Variants in SIGLEC7 observed in about 807,000 individuals in gnomAD.
SIGLEC7 encodes the protein sialic acid binding Ig like lectin 7.
SIGLEC7 carries 33 observed loss-of-function variants against 40.8 expected under a neutral mutation model. The ratio of observed to expected loss-of-function variants is 0.81; its 90% CI spans 0.61 to 1.08. The LOEUF (loss-of-function observed/expected upper bound fraction) is 1.08. SIGLEC7 is among the 50% of genes least tolerant of loss of function. SIGLEC7 has a pLI of 0.00. For missense variants in SIGLEC7, 513 were observed against 576.1 expected (o/e 0.89, Z 1.12); for synonymous variants, 242 against 237.6 (o/e 1.02, Z -0.17).
chr19:51,143,829 C>T (rs933717449), intron 1 of SIGLEC7: 3 of 407,202 alleles, frequency 7.4e-6, no homozygotes, highest in African/African-American at 6.4e-5. Context: ...CCCACAGCGT[C>T]CCAGGCCCCA....
intron 2 of SIGLEC7, 49 bp from the exon 3 acceptor site, chr19:51,144,863 T>C: frequency 1.3e-6 from 2 of 1,595,242 alleles, no homozygotes; most frequent in Non-Finnish European, 1.7e-6. Context: ...ACAGGGCCAG[T>C]GTCCCCAGCC....
In SIGLEC7 at chr19:51,145,798, C is replaced by T; in HGVS notation, c.761-57C>T. ...TCCATTCCCCAGTCTCATTCTGTATCCTTCCTCCCTGTTTCAATCACTTTG... is the reference window on the plus strand; with the variant it reads ...TCCATTCCCCAGTCTCATTCTGTATTCTTCCTCCCTGTTTCAATCACTTTG... On this transcript the variant is annotated intron_variant, in intron 3 of 6. Transcript: ENST00000317643. The surrounding 1 kb of genome is among the most constrained non-coding windows in gnomAD (Gnocchi z 4.3). 1 of 1,592,398 alleles carries T rather than the reference C, an allele frequency of 6.3e-7. No individual in the cohort carries two copies. Among genetic ancestry groups the T allele is most frequent in the South Asian group, 1.1e-5 (1 of 89,942 alleles).
chr19:51,150,467 A>G (rs2092136473), intron 6 of SIGLEC7, among the ~76,000 whole-genome samples: 1 of 152,180 alleles, frequency 6.6e-6, no homozygotes, highest in Non-Finnish European at 1.5e-5. Context: ...GTGTATGTTG[A>G]ACCAACATGA....
In SIGLEC7 at chr19:51,146,008, T is replaced by TGC; in HGVS notation, c.914_915insGC (p.Leu306HisfsTer29). On this transcript the variant is annotated frameshift_variant, in exon 4 of 7. Coordinates refer to ENST00000317643, the MANE Select transcript of SIGLEC7 (RefSeq NM_014385.4). LOFTEE classifies it high-confidence loss of function. ...CCCTCACAGCCCTCAAACCCTCTGG[T>TGC]ACTGGAGCTGCAAGTGCACCTGGGG... 1 of 1,614,166 alleles carries TGC rather than the reference T, an allele frequency of 6.2e-7. No individual in the cohort carries two copies. The highest frequency in any genetic ancestry group is 8.5e-7 in the Non-Finnish European group (1 of 1,180,024).
In SIGLEC7 at chr19:51,142,871, G is replaced by C. The variant is rs922422210; in HGVS notation, c.433+69G>C. On this transcript the variant is annotated intron_variant, in intron 1 of 6. Transcript: ENST00000317643. The surrounding 1 kb of genome is among the most constrained non-coding windows in gnomAD (Gnocchi z 5.0). ...GGGCTTTAGGGCACGGCTGAGACGG[G>C]ACACATGTCCTGGGAGGGGGCCGGG... 6.1e-6 allele frequency: 9 copies of C among 1,476,754 alleles called. No individual in the cohort carries two copies. The highest frequency in any genetic ancestry group is 8.3e-6 in the Non-Finnish European group (9 of 1,090,106). The allele number at this position is 1,476,754 out of a possible 1,614,324, so 91.5% of individuals were successfully genotyped here.
chr19:51,152,690 C>T (rs1198211832), intron 6 of SIGLEC7, among the ~76,000 whole-genome samples: 1 of 152,166 alleles, frequency 6.6e-6, no homozygotes. Context: ...CCATCCAGCA[C>T]CCGGATCAGG....
rs749886311 is a variant in SIGLEC7, at chr19:51,146,818, G to T, written c.1092G>T (p.Leu364=). The T allele has an allele frequency of 6.2e-7, 1 of 1,614,056 alleles. No individual in the cohort carries two copies. Reference sequence around the variant, plus strand: ...TCGGGGGAGCTGGAGCCACAGCCCTGGTCTTCCTCTCCTTCTGTGTCATCT... The same window carrying T: ...TCGGGGGAGCTGGAGCCACAGCCCTTGTCTTCCTCTCCTTCTGTGTCATCT... The part of the protein sequence containing the change: ...GAVGGAGATA[L]VFLSFCVIFI... The change falls in exon 5 of 7, where the codon CTG becomes CTT. Residue 364 remains leucine (L), a synonymous_variant. Coordinates refer to ENST00000317643, the MANE Select transcript of SIGLEC7 (RefSeq NM_014385.4).
chr19:51,146,106 C>G lies in SIGLEC7; in HGVS notation c.1012C>G (p.Gln338Glu). 6.2e-7 allele frequency: 1 copy of G among 1,614,194 alleles called. No individual in the cohort carries two copies. ...GCACGTTTCCCTGAACCTCTCCCTG[C>G]AACAGGAGTACACAGGTGGGTAAGG... Reference protein sequence around the residue: ...SQHVSLNLSLQQEYTGKMRPV... With the variant: ...SQHVSLNLSLEQEYTGKMRPV... Residue 338 changes from glutamine (Q) to glutamate (E), a missense_variant, in exon 4 of 7, where the codon CAA (glutamine) becomes GAA (glutamate). Physicochemically the swap from Gln to Glu is conservative, Grantham distance 29. Transcript: ENST00000317643.
intron 6 of SIGLEC7, among the ~76,000 whole-genome samples, chr19:51,150,825 G>A (rs2092138383): frequency 6.6e-6 from 1 of 152,204 alleles, no homozygotes. Context: ...ACATCTGTGT[G>A]ATTAGACAGA....
Position 51,150,737 on chromosome 19 carries a change from GA to G in SIGLEC7, c.1222-2325del, listed in dbSNP as rs774524148. ...GGCTCAGATCTGACATTTATTGTGT[GA>G]TTGAAGAGCCTTCCAGGCAGAGGGA... On this transcript the variant is annotated intron_variant, in intron 6 of 6. Coordinates refer to ENST00000317643, the MANE Select transcript of SIGLEC7 (RefSeq NM_014385.4). 2.2e-4 allele frequency among the ~76,000 whole-genome samples: 34 copies of G among 152,290 alleles called. 1 individual carries two copies. In the South Asian group the frequency reaches 3.1e-3, roughly 14 times the overall value.
Position 51,147,233 on chromosome 19 carries a change from C to T in SIGLEC7, c.1137C>T (p.Cys379=), listed in dbSNP as rs1333765463. ...TCTCTTCACTCAGAGTGAGGTCCTG[C>T]AGGAAGAAATCGGCAAGGCCAGCAG... is the stretch of plus-strand genomic sequence containing the variant. ...FCVIFIVVRS[C]RKKSARPAAD... Residue 379 remains cysteine, a synonymous_variant, in exon 6 of 7, where the codon TGC becomes TGT. Transcript: ENST00000317643. 1 of 1,612,370 alleles carries T rather than the reference C, an allele frequency of 6.2e-7. No homozygotes were observed. Among genetic ancestry groups the T allele is most frequent in the African/African-American group, 1.3e-5 (1 of 74,872 alleles).
chr19:51,144,368 T>G, intron 1 of SIGLEC7, 38 bp from the exon 2 acceptor site: 1 of 1,566,260 alleles, frequency 6.4e-7, no homozygotes, highest in Non-Finnish European at 8.6e-7. Context: ...GTACCATGGA[T>G]CCTCTGTCCT....
intron 6 of SIGLEC7, among the ~76,000 whole-genome samples, chr19:51,151,262 T>C (rs1247353113): frequency 2.6e-5 from 4 of 152,216 alleles, no homozygotes; most frequent in Non-Finnish European, 4.4e-5. Flanking sequence ...AAGAATTACT[T>C]CCAGATTTTT....
At chr19:51,148,232 C>T (rs974981295) in intron 6 of SIGLEC7, among the ~76,000 whole-genome samples, 2 of 150,842 alleles carry the variant, frequency 1.3e-5, no homozygotes, top group African/African-American at 5.0e-5. Context: ...AGGTTTGTTA[C>T]ATACATAAAC....
chr19:51,147,379 T>C lies in SIGLEC7; in HGVS notation c.1221+62T>C, dbSNP rs983123924. On this transcript the variant is annotated intron_variant, in intron 6 of 6. Coordinates refer to ENST00000317643, the MANE Select transcript of SIGLEC7 (RefSeq NM_014385.4). ...CTGGGACATCTCCCACAGGATGGCC[T>C]CCAGGATTTCTCTGCTTATCATGGC... 4 of 1,461,268 alleles carry C rather than the reference T, an allele frequency of 2.7e-6. No homozygotes were observed. The African/African-American group carries it at 4.3e-5, about 16-fold the overall frequency. 90.5% of individuals were successfully genotyped at this position (1,461,268 alleles called of 1,614,324 possible). A position where few individuals can be genotyped will look rare whatever the true frequency, so the allele number is the denominator to read the frequency against.
chr19:51,148,256 G>A (rs1361870845), intron 6 of SIGLEC7, among the ~76,000 whole-genome samples: 1 of 152,170 alleles, frequency 6.6e-6, no homozygotes, highest in Non-Finnish European at 1.5e-5. Flanking sequence ...GGTCAGAGGG[G>A]TTTGTGGTAC....
intron 1 of SIGLEC7, chr19:51,144,178 G>A (rs1015945277): frequency 4.8e-5 from 36 of 754,814 alleles, no homozygotes; most frequent in African/African-American, 3.6e-4. Context: ...ATTACAAAAC[G>A]AAGCAGCTCT....
chr19:51,147,225 A>C lies in SIGLEC7; in HGVS notation c.1129A>C (p.Arg377=). The change falls in exon 6 of 7, where the codon AGG becomes CGG. Residue 377 remains arginine (R), a synonymous_variant. Transcript: ENST00000317643. Reference sequence around the variant, plus strand: ...CTCTCTGGTCTCTTCACTCAGAGTGAGGTCCTGCAGGAAGAAATCGGCAAG... The same window carrying C: ...CTCTCTGGTCTCTTCACTCAGAGTGCGGTCCTGCAGGAAGAAATCGGCAAG... ...LSFCVIFIVV[R]SCRKKSARPA... 6.2e-7 allele frequency: 1 copy of C among 1,612,268 alleles called. No individual in the cohort carries two copies.
At chr19:51,151,302 C>T in intron 6 of SIGLEC7, among the ~76,000 whole-genome samples, 2 of 152,138 alleles carry the variant, frequency 1.3e-5, no homozygotes, top group East Asian at 3.8e-4. Context: ...ATGGAGGTGC[C>T]AATCATTGAG....
Sources: gnomAD v4.1 joint callset for allele counts (sites outside exome capture counted in the v4.1 genomes callset) on GRCh38, gnomAD v4.1.1 for gene constraint, Gnocchi (gnomAD v3.1) non-coding constraint, MANE v1.5 for transcripts, NCBI Gene and HGNC (gene_info 2026-07-23, HGNC 2026-07-21) for gene names.